ADARB2: variants seen among roughly 807,000 people sequenced by gnomAD.
ADARB2 encodes the protein inactive double-stranded RNA-specific editase B2.
ADARB2 carries 25 observed loss-of-function variants against 62.2 expected under a neutral mutation model. That is an observed-to-expected ratio of 0.40 (90% CI 0.29 to 0.56). ADARB2 has a LOEUF of 0.56. Ranked by LOEUF, ADARB2 falls within the 20% of genes least tolerant of loss-of-function variation. The pLI is 0.43. For missense variants in ADARB2, 1,071 were observed against 1,077.4 expected, an observed-to-expected ratio of 0.99 and a Z score of 0.08; for synonymous variants, 572 against 500.8, an observed-to-expected ratio of 1.14 and a Z score of -1.90.
At chr10:1,207,337 C>T (rs901843761) in intron 7 of ADARB2, among the ~76,000 whole-genome samples, 1 of 152,176 alleles carries the variant, frequency 6.6e-6, no homozygotes, top group Non-Finnish European at 1.5e-5. Flanking sequence ...AAGAGCAAGA[C>T]TTCATCTCAA....
intron 2 of ADARB2, among the ~76,000 whole-genome samples, chr10:1,366,778 G>A (rs1432378985): frequency 6.6e-6 from 1 of 152,204 alleles, no homozygotes; most frequent in Non-Finnish European, 1.5e-5. Flanking sequence ...CCCACAGGCT[G>A]CCCCACGTGT....
chr10:1,429,192 C>T lies in ADARB2; in HGVS notation c.101-50032G>A, dbSNP rs78277751. On this transcript the variant is annotated intron_variant, in intron 1 of 9. Coordinates refer to ENST00000381312, the MANE Select transcript of ADARB2 (RefSeq NM_018702.4). The stretch of plus-strand genomic sequence containing the variant: ...GTAATGCCTCTTACAATGGCATGTG[C>T]GTCCATAAACTTAAAAGTCTAATTA... Among the ~76,000 whole-genome samples, 26 of 152,260 alleles carry T rather than the reference C, an allele frequency of 1.7e-4. No individual in the cohort carries two copies. In the East Asian group the frequency reaches 4.3e-3, roughly 25 times the overall value.
At chr10:1,244,280 C>T (rs1018239809) in intron 4 of ADARB2, among the ~76,000 whole-genome samples, 4 of 152,240 alleles carry the variant, frequency 2.6e-5, no homozygotes, top group Non-Finnish European at 4.4e-5. Flanking sequence ...CCTCAGGTTC[C>T]AGCTTCGTTA....
intron 1 of ADARB2, among the ~76,000 whole-genome samples, chr10:1,509,473 T>C (rs1044372485): frequency 2.6e-5 from 4 of 152,222 alleles, no homozygotes; most frequent in African/African-American, 9.6e-5. Context: ...TTGGAAATGA[T>C]ATTCACCCGG....
intron 1 of ADARB2, among the ~76,000 whole-genome samples, chr10:1,509,549 G>A (rs1159401413): frequency 1.2e-4 from 19 of 152,204 alleles, no homozygotes; most frequent in Admixed American, 1.2e-3. Flanking sequence ...TTGGCTAAAT[G>A]TCATTTAGTC....
chr10:1,432,520 T>C (rs1830787168), intron 1 of ADARB2, among the ~76,000 whole-genome samples: 2 of 150,398 alleles, frequency 1.3e-5, no homozygotes, highest in African/African-American at 4.9e-5. Flanking sequence ...CTAGAAATAT[T>C]TTTTCATGAG....
intron 1 of ADARB2, among the ~76,000 whole-genome samples, chr10:1,583,239 T>C (rs534551336): frequency 1.3e-5 from 2 of 152,286 alleles, no homozygotes; most frequent in Admixed American, 6.5e-5. Context: ...AAATGCCACA[T>C]GATAAGAGGA....
At chr10:1,216,823 G>T in intron 7 of ADARB2, 128 bp downstream of exon 7, 1 of 1,254,162 alleles carries the variant, frequency 8.0e-7, no homozygotes, top group Non-Finnish European at 1.1e-6. Context: ...CCACGGCTCA[G>T]GCACAGGGCC....
chr10:1,616,736 C>T (rs1277660391), intron 1 of ADARB2, among the ~76,000 whole-genome samples: 4 of 148,148 alleles, frequency 2.7e-5, no homozygotes, highest in African/African-American at 1.0e-4. Context: ...TTTGTGTGCC[C>T]GTCCAGACAC....
chr10:1,390,773 C>T (rs1222677466), intron 1 of ADARB2, among the ~76,000 whole-genome samples: 1 of 152,220 alleles, frequency 6.6e-6, no homozygotes, highest in Non-Finnish European at 1.5e-5. Context: ...ATTTGCAGAT[C>T]CTCTGCATCT....
At chr10:1,222,951 A>G (rs1408411043) in intron 6 of ADARB2, among the ~76,000 whole-genome samples, 1 of 152,112 alleles carries the variant, frequency 6.6e-6, no homozygotes, top group Non-Finnish European at 1.5e-5. Context: ...AATTCTGTGA[A>G]GAAAGTCATT....
chr10:1,526,204 T>C (rs1310551884), intron 1 of ADARB2, among the ~76,000 whole-genome samples: 2 of 142,950 alleles, frequency 1.4e-5, no homozygotes, highest in African/African-American at 5.2e-5. Context: ...GTTGGAGAGA[T>C]GGCCTGGGGC....
intron 3 of ADARB2, among the ~76,000 whole-genome samples, chr10:1,342,380 T>C (rs148587039): frequency 5.3e-5 from 8 of 152,260 alleles, no homozygotes; most frequent in African/African-American, 1.9e-4. Context: ...CCAACTACCA[T>C]GCACGCCGCT....
intron 1 of ADARB2, among the ~76,000 whole-genome samples, chr10:1,616,758 C>A (rs1472807168): frequency 6.8e-6 from 1 of 148,122 alleles, no homozygotes; most frequent in African/African-American, 2.5e-5. Flanking sequence ...CTCCACACTG[C>A]CCTGCTGAGC....
intron 4 of ADARB2, among the ~76,000 whole-genome samples, chr10:1,266,928 T>A (rs1390304296): frequency 6.6e-6 from 1 of 152,098 alleles, no homozygotes; most frequent in Non-Finnish European, 1.5e-5. Context: ...GTAGGATAAA[T>A]TTAAGAAATC....
At chr10:1,244,328 C>T (rs997853763) in intron 4 of ADARB2, among the ~76,000 whole-genome samples, 3 of 152,248 alleles carry the variant, frequency 2.0e-5, no homozygotes, top group Non-Finnish European at 4.4e-5. Flanking sequence ...ACATTGATAA[C>T]GATTCCTAAC....
intron 1 of ADARB2, among the ~76,000 whole-genome samples, chr10:1,469,092 A>C (rs1831291132): frequency 6.6e-6 from 1 of 152,174 alleles, no homozygotes; most frequent in Non-Finnish European, 1.5e-5. Context: ...CGGCCCCCAG[A>C]TGCATCCATT....
intron 1 of ADARB2, among the ~76,000 whole-genome samples, chr10:1,555,363 A>G (rs1265483760): frequency 1.3e-5 from 2 of 152,212 alleles, no homozygotes; most frequent in Non-Finnish European, 2.9e-5. Flanking sequence ...TTTCTCTGCA[A>G]CCTCACAAGC....
chr10:1,245,202 C>G (rs1343364835), intron 4 of ADARB2, among the ~76,000 whole-genome samples: 1 of 151,874 alleles, frequency 6.6e-6, no homozygotes, highest in Non-Finnish European at 1.5e-5. Context: ...ACAGCAAGGA[C>G]CGAATCCACA....
Sources: allele counts gnomAD v4.1 joint callset (sites outside exome capture counted in the v4.1 genomes callset), GRCh38; gene constraint gnomAD v4.1.1; transcripts MANE v1.5; gene names NCBI Gene and HGNC (gene_info 2026-07-23, HGNC 2026-07-21).